The following GTF2H3 variants were observed in gnomAD, a reference collection of about 807,000 sequenced individuals.
GTF2H3 encodes the protein TFIIH basal transcription factor complex p34 subunit.
Under a neutral mutation model 51.1 loss-of-function variants are expected in GTF2H3, and 42 were observed. The ratio of observed to expected loss-of-function variants is 0.82; its 90% confidence interval spans 0.64 to 1.06. The LOEUF is 1.06. GTF2H3 is among the 50% of genes least tolerant of loss of function. The pLI is 0.00. For missense variants in GTF2H3, 326 were observed against 366.1 expected (o/e 0.89, Z 0.89); for synonymous variants, 123 against 123.8 (o/e 0.99, Z 0.04).
chr12:123,637,856 TACGGGCCAAATTG>T (rs1955307574), intron 1 of GTF2H3, among the ~76,000 whole-genome samples: 1 of 152,122 alleles, frequency 6.6e-6, no homozygotes, highest in Non-Finnish European at 1.5e-5. Context: ...ATTTGATGAG[TACGGGCCAAATTG>T]ACAGCTACGC....
In GTF2H3 at chr12:123,660,600, G is replaced by T; in HGVS notation, c.*365G>T. 6.0e-6 allele frequency: 1 copy of T among 166,122 alleles called. No homozygotes were observed. The highest frequency in any genetic ancestry group is 1.3e-5 in the Non-Finnish European group (1 of 77,522). The allele number at this position is 166,122 out of a possible 1,614,324, so 10.3% of individuals were successfully genotyped here. On this transcript the variant is annotated 3_prime_UTR_variant, in exon 13 of 13. Coordinates refer to ENST00000543341, the MANE Select transcript of GTF2H3 (RefSeq NM_001516.5). ...GTGAAATGCATGCCATACGAAATTT[G>T]AACGTAGCTTTGGAAAAAGGGACTA...
intron 9 of GTF2H3, among the ~76,000 whole-genome samples, chr12:123,656,612 A>G (rs1434323533): frequency 2.6e-5 from 4 of 152,218 alleles, no homozygotes; most frequent in African/African-American, 9.6e-5. Flanking sequence ...CTTCAGTGTC[A>G]TGTGTCAAAA....
At chr12:123,643,682 T>G (rs1955409087) in intron 2 of GTF2H3, among the ~76,000 whole-genome samples, 1 of 152,222 alleles carries the variant, frequency 6.6e-6, no homozygotes, top group South Asian at 2.1e-4. Flanking sequence ...GTCTTTTATA[T>G]TAAAGGATTA....
At chr12:123,635,455 C>T (rs1214161691) in intron 1 of GTF2H3, among the ~76,000 whole-genome samples, 3 of 152,000 alleles carry the variant, frequency 2.0e-5, no homozygotes, top group Non-Finnish European at 4.4e-5. Flanking sequence ...CACCTATAAT[C>T]CCAGCTACTC....
At chr12:123,652,293 T>C (rs1242966396) in intron 5 of GTF2H3, among the ~76,000 whole-genome samples, 2 of 152,158 alleles carry the variant, frequency 1.3e-5, no homozygotes, top group African/African-American at 4.8e-5. Flanking sequence ...GTGTTGGGAA[T>C]TTTAATTTTC....
In GTF2H3 at chr12:123,644,273, CA is replaced by C. The variant is rs922934254; in HGVS notation, c.94-1172del. Among the ~76,000 whole-genome samples the C allele has an allele frequency of 6.8e-3, 1,008 of 147,900 alleles. 14 individuals carry two copies. The highest frequency in any genetic ancestry group is 0.023 in the African/African-American group (918 of 40,514). ...GAAGTTTCTCTGAACATATGAGTAC[CA>C]AAAAAAAAATACTGACTTATGTTTC... On this transcript the variant is annotated intron_variant, in intron 2 of 12. Coordinates refer to ENST00000543341, the MANE Select transcript of GTF2H3 (RefSeq NM_001516.5).
At chr12:123,648,589 C>T (rs1955480704) in intron 4 of GTF2H3, among the ~76,000 whole-genome samples, 2 of 152,144 alleles carry the variant, frequency 1.3e-5, no homozygotes, top group Admixed American at 6.6e-5. Context: ...ATTTCAGCGT[C>T]CCACAGTCTC....
In GTF2H3 at chr12:123,661,443, T is replaced by A. The variant is rs2135804815; in HGVS notation, c.*1208T>A. 6.7e-6 allele frequency: 1 copy of A among 149,170 alleles called. No homozygotes were observed. Among genetic ancestry groups the A allele is most frequent in the East Asian group, 2.0e-4 (1 of 4,936 alleles). 9.2% of individuals were successfully genotyped at this position (149,170 alleles called of 1,614,324 possible). ...AGATCACAAGGTCAGGAGTTCAAGA[T>A]CAGCCTGGCCAGTATGGTGAAACCC... On this transcript the variant is annotated 3_prime_UTR_variant, in exon 13 of 13. Transcript: ENST00000543341.
intron 1 of GTF2H3, among the ~76,000 whole-genome samples, chr12:123,635,358 G>T (rs926288729): frequency 3.3e-5 from 5 of 152,150 alleles, no homozygotes; most frequent in African/African-American, 1.2e-4. Flanking sequence ...ATCACTTGAG[G>T]TCGGGAGTTC....
intron 1 of GTF2H3, among the ~76,000 whole-genome samples, chr12:123,635,177 C>T (rs954131983): frequency 2.0e-5 from 3 of 152,178 alleles, no homozygotes; most frequent in African/African-American, 4.8e-5. Context: ...TTACAGGCAA[C>T]GCTTTTTCTG....
In GTF2H3 at chr12:123,646,144, G is replaced by T. The variant is rs542589902; in HGVS notation, c.200+583G>T. On this transcript the variant is annotated intron_variant, in intron 3 of 12. Transcript: ENST00000543341. ...CATAGCCTGCAGCTGATGTGTAAATGTGACCGCAGATACAGCAAAGTTTTT... is the reference window on the plus strand; with the variant it reads ...CATAGCCTGCAGCTGATGTGTAAATTTGACCGCAGATACAGCAAAGTTTTT... Among the ~76,000 whole-genome samples, 57 of 152,218 alleles carry T rather than the reference G, an allele frequency of 3.7e-4. No individual in the cohort carries two copies. The East Asian group carries it at 7.2e-3, about 19-fold the overall frequency.
intron 9 of GTF2H3, among the ~76,000 whole-genome samples, chr12:123,658,057 T>A (rs1025050536): frequency 3.9e-5 from 6 of 152,116 alleles, no homozygotes; most frequent in Non-Finnish European, 8.8e-5. Context: ...GTTTTATTTT[T>A]ATTTTATTTT....
chr12:123,641,426 A>G (rs1955370105), intron 2 of GTF2H3, among the ~76,000 whole-genome samples: 2 of 151,802 alleles, frequency 1.3e-5, no homozygotes, highest in South Asian at 2.1e-4. Flanking sequence ...GGGCTTCGCC[A>G]TGTTGGCCAG....
At chr12:123,651,719 C>A (rs925358387) in intron 5 of GTF2H3, among the ~76,000 whole-genome samples, 1 of 151,640 alleles carries the variant, frequency 6.6e-6, no homozygotes, top group Non-Finnish European at 1.5e-5. Context: ...ACTAGGGAGG[C>A]TGAGGCAGGA....
At chr12:123,637,485 T>A (rs956390427) in intron 1 of GTF2H3, among the ~76,000 whole-genome samples, 8 of 151,936 alleles carry the variant, frequency 5.3e-5, no homozygotes, top group Non-Finnish European at 7.4e-5. Flanking sequence ...TAGGAATTGC[T>A]TTTCCCTCTG....
intron 4 of GTF2H3, among the ~76,000 whole-genome samples, chr12:123,648,677 C>T (rs1955481811): frequency 6.6e-6 from 1 of 152,174 alleles, no homozygotes; most frequent in Non-Finnish European, 1.5e-5. Flanking sequence ...CTGTCAGCTC[C>T]CATCCAAGTA....
intron 8 of GTF2H3, 150 bp downstream of exon 8, chr12:123,655,148 C>G: frequency 1.5e-6 from 1 of 659,356 alleles, no homozygotes; most frequent in Non-Finnish European, 2.6e-6. Flanking sequence ...AGTCTTTTCT[C>G]TATTTTGGGT....
At chr12:123,645,277 C>T (rs1955430519) in intron 2 of GTF2H3, among the ~76,000 whole-genome samples, 178 bp from the exon 3 acceptor site, 1 of 152,110 alleles carries the variant, frequency 6.6e-6, no homozygotes, top group Admixed American at 6.6e-5. Flanking sequence ...ATTATGTTGC[C>T]TAGGCTGGTC....
At chr12:123,650,303 T>C (rs769485952) in intron 4 of GTF2H3, 1 of 152,142 alleles carries the variant, frequency 6.6e-6, no homozygotes, top group Non-Finnish European at 1.5e-5. Context: ...TTCTCATGGC[T>C]CGAGGAAAGA....
Sources: allele counts gnomAD v4.1 joint callset (sites outside exome capture counted in the v4.1 genomes callset), GRCh38; gene constraint gnomAD v4.1.1; transcripts MANE v1.5; gene names NCBI Gene and HGNC (gene_info 2026-07-23, HGNC 2026-07-21).